CNTNAP2: variants seen among roughly 807,000 people sequenced by gnomAD.
The protein encoded by CNTNAP2 is contactin-associated protein-like 2.
Under a neutral mutation model 155.2 loss-of-function variants are expected in CNTNAP2, and 98 were observed. The ratio of observed to expected loss-of-function variants is 0.63; its 90% confidence interval spans 0.54 to 0.75. The LOEUF is 0.75. Among genes scored for constraint, CNTNAP2 ranks in the 30% least tolerant of loss-of-function variants. CNTNAP2 has a pLI of 0.00. For missense variants in CNTNAP2, 1,727 were observed against 1,688.1 expected, an observed-to-expected ratio of 1.02 and a Z score of -0.40; for synonymous variants, 651 against 631.2, an observed-to-expected ratio of 1.03 and a Z score of -0.47.
intron 15 of CNTNAP2, among the ~76,000 whole-genome samples, chr7:148,081,774 C>G (rs1239842138): frequency 6.6e-6 from 1 of 151,864 alleles, no homozygotes; most frequent in Non-Finnish European, 1.5e-5. Context: ...GAAACTGAGG[C>G]CTGAGGGGGT....
At chr7:147,768,373 A>T (rs1797415099) in intron 13 of CNTNAP2, among the ~76,000 whole-genome samples, 1 of 152,254 alleles carries the variant, frequency 6.6e-6, no homozygotes, top group East Asian at 1.9e-4. Flanking sequence ...AAAATGTATC[A>T]TGAGGCCAAA....
chr7:146,935,810 G>A (rs546862881), intron 3 of CNTNAP2, among the ~76,000 whole-genome samples: 1 of 152,124 alleles, frequency 6.6e-6, no homozygotes, highest in Non-Finnish European at 1.5e-5. Flanking sequence ...TTAATCAAGC[G>A]AGTAAACTCT....
At chr7:147,865,497 G>C (rs1001799051) in intron 13 of CNTNAP2, among the ~76,000 whole-genome samples, 5 of 152,200 alleles carry the variant, frequency 3.3e-5, no homozygotes, top group Admixed American at 6.5e-5. Flanking sequence ...GTTTCAGAAG[G>C]AATGATACCA....
At chr7:147,692,082 T>C (rs1451480440) in intron 13 of CNTNAP2, among the ~76,000 whole-genome samples, 1 of 152,150 alleles carries the variant, frequency 6.6e-6, no homozygotes, top group African/African-American at 2.4e-5. Flanking sequence ...TTTTGCCTTT[T>C]CCAGAATGTC....
chr7:146,513,550 T>C (rs535418210), intron 1 of CNTNAP2, among the ~76,000 whole-genome samples: 61 of 151,700 alleles, frequency 4.0e-4, no homozygotes, highest in African/African-American at 1.3e-3. Context: ...AAAGAAAAGA[T>C]ACAGAAACAA....
chr7:146,687,892 T>G (rs968063153), intron 1 of CNTNAP2, among the ~76,000 whole-genome samples: 6 of 152,296 alleles, frequency 3.9e-5, no homozygotes, highest in African/African-American at 1.4e-4. Flanking sequence ...GAGCACAGGC[T>G]GTGTATGTGC....
chr7:147,298,612 T>C (rs1794882347), intron 8 of CNTNAP2, among the ~76,000 whole-genome samples: 1 of 152,218 alleles, frequency 6.6e-6, no homozygotes, highest in Non-Finnish European at 1.5e-5. Flanking sequence ...TATTTCTTAG[T>C]ATAAACCAAC....
chr7:147,052,096 CTTT>C (rs1799484362), intron 4 of CNTNAP2, among the ~76,000 whole-genome samples: 1 of 152,072 alleles, frequency 6.6e-6, no homozygotes, highest in African/African-American at 2.4e-5. Context: ...CCTGACCAAT[CTTT>C]TTTATCTTTC....
chr7:146,728,057 G>A (rs1412847798), intron 1 of CNTNAP2, among the ~76,000 whole-genome samples: 1 of 152,122 alleles, frequency 6.6e-6, no homozygotes, highest in Non-Finnish European at 1.5e-5. Flanking sequence ...AGAGCATCAC[G>A]AGCATGCTCA....
intron 21 of CNTNAP2, among the ~76,000 whole-genome samples, chr7:148,364,003 G>T (rs942915885): frequency 6.6e-6 from 1 of 152,172 alleles, no homozygotes; most frequent in Non-Finnish European, 1.5e-5. Flanking sequence ...CCGGCCCACC[G>T]GCGCTGCGCT....
intron 15 of CNTNAP2, among the ~76,000 whole-genome samples, chr7:148,080,475 G>A (rs1052934329): frequency 6.6e-6 from 1 of 151,502 alleles, no homozygotes; most frequent in Non-Finnish European, 1.5e-5. Flanking sequence ...GCGTGGTGGC[G>A]GCGCCTGTAG....
At chr7:147,280,104 T>C (rs897137620) in intron 8 of CNTNAP2, among the ~76,000 whole-genome samples, 1 of 151,898 alleles carries the variant, frequency 6.6e-6, no homozygotes, top group African/African-American at 2.4e-5. Context: ...AACTCTTTCT[T>C]GTGTAACCAT....
intron 3 of CNTNAP2, among the ~76,000 whole-genome samples, chr7:146,890,310 C>G (rs1332207534): frequency 6.6e-6 from 1 of 152,122 alleles, no homozygotes; most frequent in Non-Finnish European, 1.5e-5. Context: ...TATCGCTGTC[C>G]TGACCACAAG....
intron 1 of CNTNAP2, among the ~76,000 whole-genome samples, chr7:146,540,011 CT>C (rs1400850614): frequency 1.3e-5 from 2 of 152,022 alleles, no homozygotes; most frequent in Non-Finnish European, 2.9e-5. Flanking sequence ...ACAGGTGCAG[CT>C]TCTGGGCTGA....
At chr7:148,093,919 G>A (rs117574190) in intron 15 of CNTNAP2, among the ~76,000 whole-genome samples, 2,300 of 152,202 alleles carry the variant, frequency 0.015, 36 homozygotes, top group Non-Finnish European at 0.026. Context: ...ACCGTACCTG[G>A]CTGATTTTTT....
At chr7:146,372,018 T>G (rs1795244503) in intron 1 of CNTNAP2, among the ~76,000 whole-genome samples, 2 of 151,538 alleles carry the variant, frequency 1.3e-5, no homozygotes, top group African/African-American at 4.9e-5. Flanking sequence ...ATCGTTTTAA[T>G]TAGAGGAGTC....
chr7:146,492,968 A>G (rs1797161764), intron 1 of CNTNAP2, among the ~76,000 whole-genome samples: 1 of 152,210 alleles, frequency 6.6e-6, no homozygotes. Context: ...ACACCAAACA[A>G]GATGAGATTT....
At chr7:148,260,786 A>T (rs1563015739) in intron 20 of CNTNAP2, among the ~76,000 whole-genome samples, 1 of 152,206 alleles carries the variant, frequency 6.6e-6, no homozygotes, top group Non-Finnish European at 1.5e-5. Flanking sequence ...TGGGCCTGAG[A>T]GTTAAGTTGA....
intron 19 of CNTNAP2, among the ~76,000 whole-genome samples, chr7:148,223,844 A>T (rs1795793626): frequency 6.6e-6 from 1 of 152,228 alleles, no homozygotes; most frequent in African/African-American, 2.4e-5. Context: ...AACAATGCTG[A>T]TTTTAATAGA....
Sources: allele counts gnomAD v4.1 joint callset (sites outside exome capture counted in the v4.1 genomes callset), GRCh38; gene constraint gnomAD v4.1.1; transcripts MANE v1.5; gene names NCBI Gene and HGNC (gene_info 2026-07-23, HGNC 2026-07-21).